Variants in KCNIP4 observed in about 807,000 individuals in gnomAD.
KCNIP4 encodes the protein Kv channel-interacting protein 4.
KCNIP4 carries 12 observed loss-of-function variants against 34.0 expected under a neutral mutation model. The observed-to-expected ratio is 0.35, with a 90% CI of 0.23 to 0.57. The LOEUF (loss-of-function observed/expected upper bound fraction) is 0.57, where lower values mean the gene tolerates loss of function less well. Ranked by LOEUF, KCNIP4 falls within the 20% of genes least tolerant of loss-of-function variation. The probability of loss-of-function intolerance (pLI) is 0.83; values close to 1 mark genes in which losing one functional copy is unlikely to be tolerated. For missense variants in KCNIP4, 238 were observed against 311.7 expected (o/e 0.76, Z 1.78); for synonymous variants, 124 against 102.2 (o/e 1.21, Z -1.29).
chr4:21,125,135 G>T (rs554236062), intron 1 of KCNIP4, among the ~76,000 whole-genome samples: 1 of 145,032 alleles, frequency 6.9e-6, no homozygotes, highest in Non-Finnish European at 1.5e-5. Flanking sequence ...AGTGGTTCTC[G>T]GACTTGAATG....
chr4:21,536,822 T>C (rs1335878756), intron 1 of KCNIP4, among the ~76,000 whole-genome samples: 1 of 151,958 alleles, frequency 6.6e-6, no homozygotes, highest in East Asian at 1.9e-4. Context: ...GTTCTTATTA[T>C]CTCTATATTA....
At chr4:21,339,925 C>G (rs1716578861) in intron 1 of KCNIP4, among the ~76,000 whole-genome samples, 1 of 152,142 alleles carries the variant, frequency 6.6e-6, no homozygotes. Flanking sequence ...ACAGTTTCCT[C>G]TACTCTTGTA....
chr4:20,966,613 T>G (rs931471677), intron 1 of KCNIP4, among the ~76,000 whole-genome samples: 2 of 152,142 alleles, frequency 1.3e-5, no homozygotes, highest in East Asian at 3.8e-4. Flanking sequence ...TCCTTATCTA[T>G]AAAAATGGAA....
intron 1 of KCNIP4, among the ~76,000 whole-genome samples, chr4:21,928,708 TA>T (rs961849395): frequency 3.2e-4 from 48 of 152,236 alleles, no homozygotes; most frequent in African/African-American, 5.3e-4. Flanking sequence ...CAAAGGATTA[TA>T]AATCCATGAC....
At chr4:21,054,348 G>A (rs1425491376) in intron 1 of KCNIP4, among the ~76,000 whole-genome samples, 6 of 151,794 alleles carry the variant, frequency 4.0e-5, no homozygotes, top group Non-Finnish European at 5.9e-5. Context: ...GTGAAACCCC[G>A]TCTCTACCGA....
chr4:21,013,083 A>G (rs1418744393), intron 1 of KCNIP4, among the ~76,000 whole-genome samples: 1 of 152,178 alleles, frequency 6.6e-6, no homozygotes, highest in Non-Finnish European at 1.5e-5. Flanking sequence ...GAAGTCTTTT[A>G]ATAAATTATA....
chr4:21,634,376 C>G, intron 1 of KCNIP4, among the ~76,000 whole-genome samples: 1 of 151,838 alleles, frequency 6.6e-6, no homozygotes, highest in East Asian at 1.9e-4. Flanking sequence ...GTATCTTCTA[C>G]TATACTGAGA....
chr4:21,684,144 A>G (rs1370062755), intron 1 of KCNIP4, among the ~76,000 whole-genome samples: 1 of 152,172 alleles, frequency 6.6e-6, no homozygotes, highest in Non-Finnish European at 1.5e-5. Flanking sequence ...TAAATCTGTA[A>G]AGCACATAAA....
chr4:21,130,899 A>G (rs1478357869), intron 1 of KCNIP4, among the ~76,000 whole-genome samples: 1 of 152,230 alleles, frequency 6.6e-6, no homozygotes, highest in Non-Finnish European at 1.5e-5. Context: ...AAAACACTGT[A>G]AATTAAAAAT....
intron 5 of KCNIP4, among the ~76,000 whole-genome samples, chr4:20,740,911 G>A (rs1330162835): frequency 1.3e-5 from 2 of 151,976 alleles, no homozygotes; most frequent in Non-Finnish European, 2.9e-5. Flanking sequence ...AAAAAAGCAG[G>A]GGTTGCAATC....
intron 1 of KCNIP4, among the ~76,000 whole-genome samples, chr4:21,791,861 G>T (rs983439162): frequency 8.6e-5 from 13 of 151,944 alleles, no homozygotes; most frequent in Non-Finnish European, 1.8e-4. Flanking sequence ...AATTAGCCAG[G>T]TGTGGTAGTG....
chr4:21,228,584 T>C (rs1758569313), intron 1 of KCNIP4, among the ~76,000 whole-genome samples: 1 of 152,186 alleles, frequency 6.6e-6, no homozygotes, highest in Admixed American at 6.5e-5. Flanking sequence ...AGTACACAGT[T>C]CATCCCCTCT....
At chr4:20,829,079 T>C (rs1166009788) in intron 3 of KCNIP4, among the ~76,000 whole-genome samples, 1 of 152,130 alleles carries the variant, frequency 6.6e-6, no homozygotes, top group Non-Finnish European at 1.5e-5. Context: ...CCGGCAGAGG[T>C]CCATCTTTAA....
At chr4:21,735,541 C>A (rs1443518303) in intron 1 of KCNIP4, among the ~76,000 whole-genome samples, 1 of 152,122 alleles carries the variant, frequency 6.6e-6, no homozygotes, top group Non-Finnish European at 1.5e-5. Flanking sequence ...ACCACATTGG[C>A]AGCCTAAAAT....
chr4:20,867,281 AAAG>A (rs142482913), intron 2 of KCNIP4, among the ~76,000 whole-genome samples: 4,699 of 152,256 alleles, frequency 0.031, 108 homozygotes, highest in Admixed American at 0.072. Context: ...ACTCTACTAT[AAAG>A]CCACAGTAAC....
At chr4:21,000,986 A>C (rs1738079474) in intron 1 of KCNIP4, among the ~76,000 whole-genome samples, 1 of 152,208 alleles carries the variant, frequency 6.6e-6, no homozygotes. Flanking sequence ...ACTATCATAT[A>C]AACTACATAT....
chr4:21,148,248 A>G (rs909310635), intron 1 of KCNIP4, among the ~76,000 whole-genome samples: 7 of 152,194 alleles, frequency 4.6e-5, no homozygotes, highest in Non-Finnish European at 7.3e-5. Context: ...ATGACATTGT[A>G]TATTATAAAG....
At chr4:20,921,636 T>A (rs541116214) in intron 1 of KCNIP4, among the ~76,000 whole-genome samples, 1 of 152,362 alleles carries the variant, frequency 6.6e-6, no homozygotes, top group South Asian at 2.1e-4. Flanking sequence ...ATATCCATTA[T>A]TTAATTTAAA....
chr4:21,619,202 G>A (rs979066882), intron 1 of KCNIP4, among the ~76,000 whole-genome samples: 6 of 152,060 alleles, frequency 3.9e-5, no homozygotes, highest in East Asian at 3.9e-4. Context: ...TGTACCATGC[G>A]TTCAACATTT....
Sources: gnomAD v4.1 joint callset for allele counts (sites outside exome capture counted in the v4.1 genomes callset) on GRCh38, gnomAD v4.1.1 for gene constraint, MANE v1.5 for transcripts, NCBI Gene and HGNC (gene_info 2026-07-23, HGNC 2026-07-21) for gene names.